GRM8: variants seen among roughly 807,000 people sequenced by gnomAD.
The protein encoded by GRM8 is glutamate metabotropic receptor 8, also known as metabotropic glutamate receptor 8.
A neutral mutation model predicts 87.2 loss-of-function variants in GRM8; 47 were observed. The ratio of observed to expected loss-of-function variants is 0.54; its 90% CI spans 0.43 to 0.69. The LOEUF (loss-of-function observed/expected upper bound fraction) is 0.69, where lower values mean the gene tolerates loss of function less well. Among genes scored for constraint, GRM8 ranks in the 30% least tolerant of loss-of-function variants. The pLI is 0.00. For synonymous variants in GRM8, 396 were observed against 404.5 expected (o/e 0.98, Z 0.25); for missense variants, 1,019 against 1,139.2 (o/e 0.89, Z 1.52).
intron 7 of GRM8, among the ~76,000 whole-genome samples, chr7:126,739,406 GCACA>G (rs3222171): frequency 0.39 from 57,800 of 148,598 alleles, 12,059 homozygotes; most frequent in Non-Finnish European, 0.48. Context: ...AATTGTGTTT[GCACA>G]CACACACACA....
intron 7 of GRM8, among the ~76,000 whole-genome samples, chr7:126,645,069 T>C (rs1802889728): frequency 6.6e-6 from 1 of 152,220 alleles, no homozygotes. Flanking sequence ...ATAGTTTAAC[T>C]TGAAAGCTAG....
intron 6 of GRM8, among the ~76,000 whole-genome samples, chr7:126,822,784 G>A (rs1455402896): frequency 6.6e-6 from 1 of 152,104 alleles, no homozygotes; most frequent in Non-Finnish European, 1.5e-5. Flanking sequence ...TCTGAACGTT[G>A]AGAGTGCTTA....
chr7:126,771,208 C>T (rs1818808886), intron 6 of GRM8, among the ~76,000 whole-genome samples: 2 of 151,946 alleles, frequency 1.3e-5, no homozygotes, highest in South Asian at 2.1e-4. Flanking sequence ...TTTAGAGAGT[C>T]GAATTAACGT....
At chr7:127,119,553 A>G (rs1826910025) in intron 2 of GRM8, among the ~76,000 whole-genome samples, 2 of 151,936 alleles carry the variant, frequency 1.3e-5, no homozygotes, top group Admixed American at 1.3e-4. Context: ...AGAAAGAAAA[A>G]AGAAAAGAAA....
At chr7:126,488,791 T>C in intron 9 of GRM8, among the ~76,000 whole-genome samples, 1 of 152,026 alleles carries the variant, frequency 6.6e-6, no homozygotes, top group East Asian at 1.9e-4. Context: ...CTGACTTTGC[T>C]ATAGTATTCT....
chr7:126,616,267 G>A (rs1157787594), intron 7 of GRM8, among the ~76,000 whole-genome samples: 1 of 152,208 alleles, frequency 6.6e-6, no homozygotes, highest in Non-Finnish European at 1.5e-5. Context: ...ACCTGCTCCT[G>A]AATGACTACT....
chr7:126,954,634 G>A (rs1254372762), intron 3 of GRM8, among the ~76,000 whole-genome samples: 1 of 152,044 alleles, frequency 6.6e-6, no homozygotes, highest in Admixed American at 6.6e-5. Flanking sequence ...TTCTAACTGT[G>A]CTACTGAAGC....
intron 7 of GRM8, among the ~76,000 whole-genome samples, chr7:126,635,300 T>C (rs1801741179): frequency 6.6e-6 from 1 of 152,142 alleles, no homozygotes; most frequent in Non-Finnish European, 1.5e-5. Context: ...TTGAAAAGAG[T>C]TAATGCCTTA....
rs553099856 is a variant in GRM8 at position 126,782,563 on chromosome 7, G to A, written c.1157-12498C>T. Reference sequence around the variant, plus strand: ...GAATAACAAGAAAGTATGAGTAATGGGCAGGTTCTCTCTTACTCCAAAGGG... The same window carrying A: ...GAATAACAAGAAAGTATGAGTAATGAGCAGGTTCTCTCTTACTCCAAAGGG... On this transcript the variant is annotated intron_variant, in intron 6 of 10. Transcript: ENST00000339582. Among the ~76,000 whole-genome samples, 9 of 152,234 alleles carry A rather than the reference G, an allele frequency of 5.9e-5. No individual in the cohort carries two copies. In the South Asian group the frequency reaches 1.7e-3, roughly 28 times the overall value.
At position 127,198,830 on chromosome 7, in the gene GRM8, G is replaced by A. The variant is rs576092343; in HGVS notation, c.510+43865C>T. Among the ~76,000 whole-genome samples the A allele has an allele frequency of 1.5e-4, 21 of 136,994 alleles. No individual in the cohort carries two copies. In the South Asian group the frequency reaches 2.1e-3, roughly 14 times the overall value. The allele number at this position is 136,994 out of a possible 152,430, so 89.9% of individuals were successfully genotyped here. The stretch of plus-strand genomic sequence containing the variant: ...GCTGAGATTACAGGCAAGCACCACC[G>A]TGCCTAATTTTTTTTTTTTTTTTTT... On this transcript the variant is annotated intron_variant, in intron 2 of 10. Transcript: ENST00000339582.
chr7:126,651,370 T>C (rs1803846091), intron 7 of GRM8, among the ~76,000 whole-genome samples: 1 of 152,178 alleles, frequency 6.6e-6, no homozygotes, highest in Non-Finnish European at 1.5e-5. Context: ...GTGACAATAC[T>C]TTGCAGGGCT....
chr7:127,021,402 T>C (rs540008695), intron 3 of GRM8, among the ~76,000 whole-genome samples: 2 of 150,864 alleles, frequency 1.3e-5, no homozygotes, highest in South Asian at 4.2e-4. Flanking sequence ...AACTGTTGTT[T>C]TCTCTCCTTG....
chr7:126,721,566 A>G (rs1006672670), intron 7 of GRM8, among the ~76,000 whole-genome samples: 2 of 152,172 alleles, frequency 1.3e-5, no homozygotes, highest in East Asian at 1.9e-4. Context: ...CAAAAAAATC[A>G]AAGTGATCAA....
At chr7:126,980,836 T>C (rs2131853706) in intron 3 of GRM8, 1 of 152,346 alleles carries the variant, frequency 6.6e-6, no homozygotes, top group South Asian at 2.1e-4. Flanking sequence ...TCAATTTTGT[T>C]TCCTTACAAT....
At chr7:126,767,207 C>T (rs563546749) in intron 7 of GRM8, among the ~76,000 whole-genome samples, 2 of 152,040 alleles carry the variant, frequency 1.3e-5, no homozygotes, top group East Asian at 3.9e-4. Context: ...ATGGTACATC[C>T]CCGTATCATC....
At chr7:127,199,258 T>C (rs1795463182) in intron 2 of GRM8, among the ~76,000 whole-genome samples, 1 of 152,172 alleles carries the variant, frequency 6.6e-6, no homozygotes. Flanking sequence ...ACTGGCACCT[T>C]TCCTAGAATG....
rs11412862 is a variant in GRM8 at position 126,832,171 on chromosome 7, CAAAAAAA to C, written c.1157-62113_1157-62107del. On this transcript the variant is annotated intron_variant, in intron 6 of 10. Transcript: ENST00000339582. ...TAGTACGCAACATAGTGCCATCTTC[CAAAAAAA>C]AAAAAAAGAAAAAGAAAAGATAAAG... Among the ~76,000 whole-genome samples, 12 of 77,674 alleles carry C rather than the reference CAAAAAAA, an allele frequency of 1.5e-4. No homozygotes were observed. The South Asian group carries it at 1.9e-3, about 12-fold the overall frequency. The allele number at this position is 77,674 out of a possible 152,430, so 51.0% of individuals were successfully genotyped here.
At chr7:126,621,948 C>T (rs1490002475) in intron 7 of GRM8, among the ~76,000 whole-genome samples, 2 of 152,088 alleles carry the variant, frequency 1.3e-5, no homozygotes, top group Non-Finnish European at 2.9e-5. Flanking sequence ...CTCTTCTCTC[C>T]TATTCCTAGA....
intron 8 of GRM8, among the ~76,000 whole-genome samples, chr7:126,607,372 T>G (rs1403967474): frequency 2.6e-5 from 4 of 152,222 alleles, no homozygotes; most frequent in Non-Finnish European, 4.4e-5. Context: ...AGTTTTGTAA[T>G]TTCTCATCGT....
Sources: gnomAD v4.1 joint callset for allele counts (sites outside exome capture counted in the v4.1 genomes callset) on GRCh38, gnomAD v4.1.1 for gene constraint, MANE v1.5 for transcripts, NCBI Gene and HGNC (gene_info 2026-07-23, HGNC 2026-07-21) for gene names.